The following IGFN1 variants were observed in gnomAD, a reference collection of about 807,000 sequenced individuals.
The protein encoded by IGFN1 is immunoglobulin like and fibronectin type III domain containing 1, also known as immunoglobulin-like and fibronectin type III domain-containing protein 1.
In IGFN1, 253 loss-of-function variants were observed where a neutral mutation model predicts 289.5. The observed-to-expected ratio is 0.87, with a 90% CI of 0.79 to 0.97. The LOEUF (loss-of-function observed/expected upper bound fraction) is 0.97. Among genes scored for constraint, IGFN1 ranks in the 50% least tolerant of loss-of-function variants. IGFN1 has a pLI of 0.00. For missense variants in IGFN1, 4,470 were observed against 4,686.1 expected (o/e 0.95, Z 1.35); for synonymous variants, 1,706 against 1,788.5 (o/e 0.95, Z 1.16).
At chr1:201,198,834 A>T (rs1407986325) in intron 5 of IGFN1, among the ~76,000 whole-genome samples, 2 of 152,238 alleles carry the variant, frequency 1.3e-5, no homozygotes, top group African/African-American at 4.8e-5. Context: ...AAGCTGGGGA[A>T]GGTGAGTGTT....
chr1:201,196,115 C>T (rs4915220), intron 4 of IGFN1, 137 bp downstream of exon 4: 380,738 of 844,702 alleles, frequency 0.45, 91,122 homozygotes, highest in Middle Eastern at 0.55. Flanking sequence ...AACTCCATCT[C>T]GTGACTCAAA....
Position 201,216,614 on chromosome 1 carries a change from C to G in IGFN1, c.9456C>G (p.Gly3152=). Reference sequence around the variant, plus strand: ...GCAGGAGCACTTGGCTGAAGGTGGGCGAGGCCCCCGCTGACAGCACCACCT... The same window carrying G: ...GCAGGAGCACTTGGCTGAAGGTGGGGGAGGCCCCCGCTGACAGCACCACCT... ...QAGRSTWLKV[G]EAPADSTTFT... The change falls in exon 16 of 24, where the codon GGC becomes GGG. Residue 3152 remains glycine (G), a synonymous_variant. Coordinates refer to ENST00000335211, the MANE Select transcript of IGFN1 (RefSeq NM_001164586.2). 2 of 1,613,736 alleles carry G rather than the reference C, an allele frequency of 1.2e-6. No homozygotes were observed. Among genetic ancestry groups the G allele is most frequent in the Non-Finnish European group, 1.7e-6 (2 of 1,179,840 alleles).
rs1191443308 is a variant in IGFN1 at position 201,225,350 on chromosome 1, C to T, written c.10487-474C>T. Among the ~76,000 whole-genome samples, 4 of 152,208 alleles carry T rather than the reference C, an allele frequency of 2.6e-5. No homozygotes were observed. In the East Asian group the frequency reaches 7.7e-4, roughly 29 times the overall value. Reference sequence around the variant, plus strand: ...TAATGCAGCTTCATGAGAGCCCTGCCTCTGTCCAAAAATGCATGCCTTGTC... The same window carrying T: ...TAATGCAGCTTCATGAGAGCCCTGCTTCTGTCCAAAAATGCATGCCTTGTC... On this transcript the variant is annotated intron_variant, in intron 21 of 23. Transcript: ENST00000335211.
chr1:201,224,282 C>A (rs569232670), intron 20 of IGFN1, among the ~76,000 whole-genome samples: 177 of 152,292 alleles, frequency 1.2e-3, no homozygotes, highest in African/African-American at 4.0e-3. Context: ...CCCACACATC[C>A]CTTCTCATTC....
In IGFN1 at chr1:201,209,803, G is replaced by T; in HGVS notation, c.4910G>T (p.Gly1637Val). ...GAAATGGGGTCAGTGAATAAGGCAGGTTATAGGAAGGATTTGGGGGCTCCT... is the reference window on the plus strand; with the variant it reads ...GAAATGGGGTCAGTGAATAAGGCAGTTTATAGGAAGGATTTGGGGGCTCCT... ...SEEMGSVNKA[G>V]YRKDLGAPKG... Residue 1637 changes from glycine to valine, a missense_variant, in exon 12 of 24, where the codon GGT (glycine) becomes GTT (valine). Coordinates refer to ENST00000335211, the MANE Select transcript of IGFN1 (RefSeq NM_001164586.2). 1 of 1,479,364 alleles carries T rather than the reference G, an allele frequency of 6.8e-7. No individual in the cohort carries two copies. The highest frequency in any genetic ancestry group is 9.1e-7 in the Non-Finnish European group (1 of 1,103,606). The allele number at this position is 1,479,364 out of a possible 1,614,324, so 91.6% of individuals were successfully genotyped here. A position where few individuals can be genotyped will look rare whatever the true frequency, so the allele number is the denominator to read the frequency against.
chr1:201,216,868 A>T (rs1237028964), intron 16 of IGFN1, 115 bp downstream of exon 16: 1 of 851,408 alleles, frequency 1.2e-6, no homozygotes, highest in Non-Finnish European at 1.8e-6. Flanking sequence ...GGGGCTTCGG[A>T]GGCCCTTCTG....
chr1:201,206,470 G>C lies in IGFN1; in HGVS notation c.1577G>C (p.Gly526Ala). Residue 526 changes from glycine to alanine, a missense_variant, in exon 12 of 24, where the codon GGA (glycine) becomes GCA (alanine). This residue lies in a region of IGFN1 where 2,011 missense variants were observed against 1,953.4 expected (regional missense o/e 1.03). Coordinates refer to ENST00000335211, the MANE Select transcript of IGFN1 (RefSeq NM_001164586.2). The part of the protein sequence containing the change: ...RSLAERPHLQ[G>A]ESSESGLGLP... ...CTTGCAGAGAGGCCCCATCTACAGG[G>C]AGAGAGCTCAGAATCAGGGTTGGGC... The C allele has an allele frequency of 1.3e-6, 2 of 1,551,332 alleles. No homozygotes were observed. Among genetic ancestry groups the C allele is most frequent in the Non-Finnish European group, 8.7e-7 (1 of 1,146,964 alleles).
At position 201,212,847 on chromosome 1, in the gene IGFN1, G is replaced by A. The variant is rs749415956; in HGVS notation, c.7954G>A (p.Gly2652Ser). 108 of 1,551,290 alleles carry A rather than the reference G, an allele frequency of 7.0e-5. 1 individual carries two copies. In the African/African-American group the frequency reaches 1.1e-3, roughly 15 times the overall value. ...GKQPAGSRAS[G>S]SLQEKDAAFG... is the part of the protein sequence containing the mutation. ...GCAGCCCGCAGGCTCCAGAGCTTCC[G>A]GTTCTCTGCAGGAGAAAGATGCCGC... The change falls in exon 12 of 24, where the codon GGT becomes AGT. Residue 2652 changes from glycine (G) to serine (S), a missense_variant. By Grantham distance (56) the Gly-to-Ser change is moderately conservative. Around this residue, in one of 8 missense-constraint regions of IGFN1, gnomAD observed 2,218 missense variants for 2,114.1 expected, o/e 1.05. Transcript: ENST00000335211.
Position 201,216,516 on chromosome 1 carries a change from C to T in IGFN1, c.9358C>T (p.Leu3120Phe), listed in dbSNP as rs1653304192. ...GGATTGCCATAGGGCTGGCGTCTGCCTCCGCTGGCGGCCCCCAAGGGACAA... is the reference window on the plus strand; with the variant it reads ...GGATTGCCATAGGGCTGGCGTCTGCTTCCGCTGGCGGCCCCCAAGGGACAA... ...VQDCHRAGVC[L>F]RWRPPRDNGG... The change falls in exon 16 of 24, where the codon CTC becomes TTC. Residue 3120 changes from leucine (L) to phenylalanine (F), a missense_variant. Physicochemically the swap from Leu to Phe is conservative, Grantham distance 22 (BLOSUM62 0). Around this residue, in one of 8 missense-constraint regions of IGFN1, gnomAD observed 2,218 missense variants for 2,114.1 expected, o/e 1.05. Transcript: ENST00000335211. The T allele has an allele frequency of 6.2e-7, 1 of 1,609,760 alleles. No individual in the cohort carries two copies. The highest frequency in any genetic ancestry group is 1.3e-5 in the African/African-American group (1 of 74,872).
At chr1:201,201,048 A>T (rs1408922311) in intron 8 of IGFN1, among the ~76,000 whole-genome samples, 1 of 151,688 alleles carries the variant, frequency 6.6e-6, no homozygotes, top group Non-Finnish European at 1.5e-5. Context: ...AGCCAGGATG[A>T]TCTCGATCTC....
chr1:201,204,498 G>C (rs149105955), intron 10 of IGFN1, among the ~76,000 whole-genome samples: 1 of 152,160 alleles, frequency 6.6e-6, no homozygotes, highest in Non-Finnish European at 1.5e-5. Context: ...CAGACATGTC[G>C]TAAGAACATG....
chr1:201,199,533 A>G, intron 6 of IGFN1, 76 bp from the exon 7 acceptor site: 6 of 1,468,110 alleles, frequency 4.1e-6, no homozygotes, highest in Non-Finnish European at 5.6e-6. Context: ...GTCAGCATGG[A>G]CAACACAGAA....
chr1:201,217,859 A>C (rs940876397), intron 17 of IGFN1, among the ~76,000 whole-genome samples: 1 of 152,192 alleles, frequency 6.6e-6, no homozygotes, highest in Non-Finnish European at 1.5e-5. Flanking sequence ...TCTGGCCTTG[A>C]CCTTGGACAG....
At position 201,217,398 on chromosome 1, in the gene IGFN1, T is replaced by C. The variant is rs771145003; in HGVS notation, c.9707T>C (p.Leu3236Pro). 6.2e-7 allele frequency: 1 copy of C among 1,614,168 alleles called. No individual in the cohort carries two copies. The highest frequency in any genetic ancestry group is 1.7e-5 in the Admixed American group (1 of 60,030). ...GGCAGCGCCCACATCCTGGGCTACC[T>C]GATCGAGAGGCGTAAGAAGGGGAGC... is the stretch of plus-strand genomic sequence containing the variant. ...GPGSAHILGYLIERRKKGSNT... is the reference protein window; with the variant it reads ...GPGSAHILGYPIERRKKGSNT... The change falls in exon 17 of 24, where the codon CTG becomes CCG. Residue 3236 changes from leucine to proline, a missense_variant. Physicochemically the swap from Leu to Pro is moderately conservative, Grantham distance 98 (BLOSUM62 -3). This residue lies in a region of IGFN1 where 2,218 missense variants were observed against 2,114.1 expected (regional missense o/e 1.05). Coordinates refer to ENST00000335211, the MANE Select transcript of IGFN1 (RefSeq NM_001164586.2).
rs978991380 is a variant in IGFN1, at chr1:201,215,617, T to G, written c.9074T>G (p.Val3025Gly). ...GTCAAGGCTGGGAAGCCGGTGATAG[T>G]GAAGATCCCCTTCCAGAGCCACCTC... ...LVVKAGKPVI[V>G]KIPFQSHLPI... The change falls in exon 15 of 24, where the codon GTG becomes GGG. Residue 3025 changes from valine to glycine, a missense_variant. This residue lies in a region of IGFN1 where 2,218 missense variants were observed against 2,114.1 expected (regional missense o/e 1.05). Transcript: ENST00000335211. 6.2e-7 allele frequency: 1 copy of G among 1,613,636 alleles called. No individual in the cohort carries two copies. Among genetic ancestry groups the G allele is most frequent in the Admixed American group, 1.7e-5 (1 of 59,950 alleles).
In IGFN1 at chr1:201,215,759, GA is replaced by G; in HGVS notation, c.9218del (p.Lys3073ArgfsTer8). The G allele has an allele frequency of 6.2e-7, 1 of 1,608,162 alleles. No individual in the cohort carries two copies. The highest frequency in any genetic ancestry group is 8.5e-7 in the Non-Finnish European group (1 of 1,176,952). On this transcript the variant is annotated frameshift_variant, in exon 15 of 24. Transcript: ENST00000335211. LOFTEE classifies it high-confidence loss of function. ...TRLCLPSAGR[K>X]DCGQYSVTLR... Reference sequence around the variant, plus strand: ...GGCTGTGCCTCCCCAGCGCAGGCAGGAAGGACTGTGGCCAGTACAGCGTGAC... The same window carrying G: ...GGCTGTGCCTCCCCAGCGCAGGCAGGAGGACTGTGGCCAGTACAGCGTGAC...
rs1342820469 is a variant in IGFN1, at chr1:201,207,319, A to G, written c.2426A>G (p.Asp809Gly). ...TAWASGEVEY[D>G]PRSFQSSQGW... The stretch of plus-strand genomic sequence containing the variant: ...TGGGCCTCGGGTGAGGTAGAGTATG[A>G]CCCCAGAAGCTTCCAGTCTTCCCAG... Residue 809 changes from aspartate (D) to glycine (G), a missense_variant, in exon 12 of 24, where the codon GAC (aspartate) becomes GGC (glycine). Physicochemically the swap from Asp to Gly is moderately conservative, Grantham distance 94. This residue lies in a region of IGFN1 where 2,011 missense variants were observed against 1,953.4 expected (regional missense o/e 1.03). Transcript: ENST00000335211. The G allele has an allele frequency of 2.6e-6, 4 of 1,536,602 alleles. No homozygotes were observed. The African/African-American group carries it at 5.5e-5, about 21-fold the overall frequency.
Position 201,216,466 on chromosome 1 carries a change from C to T in IGFN1, c.9308C>T (p.Pro3103Leu). Residue 3103 changes from proline (P) to leucine (L), a missense_variant, in exon 16 of 24, where the codon CCC becomes CTC. Physicochemically the swap from Pro to Leu is moderately conservative, Grantham distance 98. Around this residue, in one of 8 missense-constraint regions of IGFN1, gnomAD observed 2,218 missense variants for 2,114.1 expected, o/e 1.05. Coordinates refer to ENST00000335211, the MANE Select transcript of IGFN1 (RefSeq NM_001164586.2). ...TGTGGGTCCCCAGACAAGCCTGATC[C>T]CCCACAAGGCCCCATGGAGGTTCAG... ...LTLQVIDKPD[P>L]PQGPMEVQDC... The T allele has an allele frequency of 6.4e-7, 1 of 1,569,326 alleles. No homozygotes were observed.
At position 201,217,445 on chromosome 1, in the gene IGFN1, G is replaced by A. The variant is rs142312139; in HGVS notation, c.9754G>A (p.Asp3252Asn). 6.8e-6 allele frequency: 11 copies of A among 1,614,012 alleles called. No homozygotes were observed. Among genetic ancestry groups the A allele is most frequent in the African/African-American group, 4.0e-5 (3 of 74,934 alleles). Residue 3252 changes from aspartate (D) to asparagine (N), a missense_variant, in exon 17 of 24, where the codon GAC becomes AAC. Transcript: ENST00000335211. The stretch of plus-strand genomic sequence containing the variant: ...GAGCAACACCTGGACGGCAGTGAAC[G>A]ACCAGCCGGTGCCTGGTGAGCATTG... ...KGSNTWTAVN[D>N]QPVPERRWTV...
Sources: gnomAD v4.1 joint callset for allele counts (sites outside exome capture counted in the v4.1 genomes callset) on GRCh38, gnomAD v4.1.1 for gene constraint, gnomAD v4.1.1 regional missense constraint, MANE v1.5 for transcripts, NCBI Gene and HGNC (gene_info 2026-07-23, HGNC 2026-07-21) for gene names.